B3GNT2: variants seen among roughly 807,000 people sequenced by gnomAD.
B3GNT2 encodes N-acetyllactosaminide beta-1,3-N-acetylglucosaminyltransferase 2.
B3GNT2 carries 12 observed loss-of-function variants against 27.6 expected under a neutral mutation model. The observed-to-expected ratio is 0.44, with a 90% CI of 0.28 to 0.71. The LOEUF (loss-of-function observed/expected upper bound fraction) is 0.71. Among genes scored for constraint, B3GNT2 ranks in the 30% least tolerant of loss-of-function variants. B3GNT2 has a pLI of 0.17. For synonymous variants in B3GNT2, 192 were observed against 189.7 expected (o/e 1.01, Z -0.10); for missense variants, 413 against 488.5 (o/e 0.85, Z 1.46).
intron 1 of B3GNT2, among the ~76,000 whole-genome samples, chr2:62,214,983 C>T (rs886430934): frequency 6.6e-6 from 1 of 152,008 alleles, no homozygotes. Flanking sequence ...ATTCCCTTCT[C>T]CTCTTTTCCT....
At chr2:62,207,484 G>A (rs1347752954) in intron 1 of B3GNT2, among the ~76,000 whole-genome samples, 1 of 152,192 alleles carries the variant, frequency 6.6e-6, no homozygotes, top group African/African-American at 2.4e-5. Context: ...TGTCTGTAGA[G>A]TACCTGATGG....
chr2:62,215,468 C>T (rs1268846482), intron 1 of B3GNT2: 1 of 152,328 alleles, frequency 6.6e-6, no homozygotes, highest in East Asian at 1.9e-4. Context: ...CCACTCACAC[C>T]CTTATCACTC....
At chr2:62,197,483 T>C (rs549056357) in intron 1 of B3GNT2, among the ~76,000 whole-genome samples, 2 of 152,232 alleles carry the variant, frequency 1.3e-5, no homozygotes, top group South Asian at 4.1e-4. Context: ...GTTTGTAGAG[T>C]GGGCTTAGCT....
intron 1 of B3GNT2, among the ~76,000 whole-genome samples, chr2:62,205,569 C>T (rs781724623): frequency 6.6e-6 from 1 of 152,182 alleles, no homozygotes; most frequent in Non-Finnish European, 1.5e-5. Context: ...GACAGGAATC[C>T]GAGATGGAGC....
At chr2:62,218,303 C>T (rs1034697017) in intron 1 of B3GNT2, among the ~76,000 whole-genome samples, 2 of 152,198 alleles carry the variant, frequency 1.3e-5, no homozygotes, top group Non-Finnish European at 2.9e-5. Context: ...CACAAGTGCA[C>T]GATGACATTT....
At chr2:62,209,571 G>T (rs140350325) in intron 1 of B3GNT2, among the ~76,000 whole-genome samples, 5 of 152,180 alleles carry the variant, frequency 3.3e-5, no homozygotes, top group Non-Finnish European at 7.4e-5. Flanking sequence ...TTGAGCCCAG[G>T]AATTCAAGAC....
chr2:62,212,003 A>G (rs1674489866), intron 1 of B3GNT2, among the ~76,000 whole-genome samples: 1 of 152,212 alleles, frequency 6.6e-6, no homozygotes, highest in African/African-American at 2.4e-5. Context: ...GTTGTTAGAA[A>G]TGACTCTGGG....
chr2:62,221,844 T>C (rs1349003422), intron 1 of B3GNT2: 1 of 526,274 alleles, frequency 1.9e-6, no homozygotes, highest in Non-Finnish European at 3.8e-6. Context: ...AGCAAGGAAG[T>C]TGAACTCTCC....
At chr2:62,208,504 A>C (rs1674420909) in intron 1 of B3GNT2, among the ~76,000 whole-genome samples, 1 of 152,040 alleles carries the variant, frequency 6.6e-6, no homozygotes, top group African/African-American at 2.4e-5. Flanking sequence ...CTGCCTTGAG[A>C]TGACACCACG....
chr2:62,217,704 C>T (rs928118834), intron 1 of B3GNT2, among the ~76,000 whole-genome samples: 14 of 152,226 alleles, frequency 9.2e-5, no homozygotes, highest in African/African-American at 2.7e-4. Flanking sequence ...AGGCTGCTTA[C>T]AGGGCAGACC....
Position 62,222,368 on chromosome 2 carries a change from A to G in B3GNT2, c.148A>G (p.Lys50Glu), listed in dbSNP as rs771144883. ...AATAATACCCAAAGAGAAGTTCTGG[A>G]AGATATCTACCCCTCCCGAGGCATA... ...EVIIPKEKFW[K>E]ISTPPEAYWN... is the part of the protein sequence containing the mutation. The change falls in exon 2 of 2, where the codon AAG becomes GAG. Residue 50 changes from lysine to glutamate, a missense_variant. By Grantham distance (56) the Lys-to-Glu change is moderately conservative. Transcript: ENST00000301998. The surrounding 1 kb of genome is among the most constrained non-coding windows in gnomAD (Gnocchi z 4.2). 1.9e-6 allele frequency: 3 copies of G among 1,614,046 alleles called. No individual in the cohort carries two copies. In the African/African-American group the frequency reaches 4.0e-5, roughly 22 times the overall value.
intron 1 of B3GNT2, among the ~76,000 whole-genome samples, chr2:62,197,386 G>A (rs1368221406): frequency 6.6e-6 from 1 of 152,232 alleles, no homozygotes; most frequent in African/African-American, 2.4e-5. Flanking sequence ...AAGTGTCACA[G>A]CGTCAAAGCT....
Position 62,224,402 on chromosome 2 carries a change from G to A in B3GNT2, c.*988G>A, listed in dbSNP as rs542561167. 6.0e-6 allele frequency: 1 copy of A among 166,926 alleles called. No homozygotes were observed. Among genetic ancestry groups the A allele is most frequent in the Non-Finnish European group, 1.5e-5 (1 of 68,074 alleles). The allele number at this position is 166,926 out of a possible 1,614,324, so 10.3% of individuals were successfully genotyped here. A position where few individuals can be genotyped will look rare whatever the true frequency, so the allele number is the denominator to read the frequency against. ...AGAAGTGCCTGTGTTTTTATTTATT[G>A]TTCAGATCAAAGACCAAAACATTTT... On this transcript the variant is annotated 3_prime_UTR_variant, in exon 2 of 2. Coordinates refer to ENST00000301998, the MANE Select transcript of B3GNT2 (RefSeq NM_006577.6).
Position 62,223,644 on chromosome 2 carries a change from C to T in B3GNT2, c.*230C>T, listed in dbSNP as rs1050549806. The T allele has an allele frequency of 5.3e-5, 22 of 414,654 alleles. No homozygotes were observed. The highest frequency in any genetic ancestry group is 2.3e-4 in the African/African-American group (11 of 48,524). 25.7% of individuals were successfully genotyped at this position (414,654 alleles called of 1,614,324 possible). A position where few individuals can be genotyped will look rare whatever the true frequency, so the allele number is the denominator to read the frequency against. On this transcript the variant is annotated 3_prime_UTR_variant, in exon 2 of 2. Coordinates refer to ENST00000301998, the MANE Select transcript of B3GNT2 (RefSeq NM_006577.6). Reference sequence around the variant, plus strand: ...GCAGGATGATTGGTTCTGATCTTACCGGCTAGTGGTCATTTTTAAAAAACT... The same window carrying T: ...GCAGGATGATTGGTTCTGATCTTACTGGCTAGTGGTCATTTTTAAAAAACT...
chr2:62,215,093 G>C (rs889597976), intron 1 of B3GNT2, among the ~76,000 whole-genome samples: 6 of 152,104 alleles, frequency 3.9e-5, no homozygotes, highest in Non-Finnish European at 8.8e-5. Context: ...CTGGGCTTTC[G>C]GGGGGTTGTA....
At chr2:62,216,992 A>G (rs909043701) in intron 1 of B3GNT2, among the ~76,000 whole-genome samples, 13 of 152,322 alleles carry the variant, frequency 8.5e-5, no homozygotes, top group African/African-American at 3.1e-4. Flanking sequence ...TGGGACTCTC[A>G]AAGCCTCATT....
At chr2:62,199,381 ACTGTATTTTT>A (rs1169078785) in intron 1 of B3GNT2, among the ~76,000 whole-genome samples, 1 of 152,188 alleles carries the variant, frequency 6.6e-6, no homozygotes, top group Non-Finnish European at 1.5e-5. Context: ...GTAGTATTTG[ACTGTATTTTT>A]CTGTATTTTT....
At chr2:62,198,809 AAAAAT>A (rs1416844739) in intron 1 of B3GNT2, among the ~76,000 whole-genome samples, 2 of 152,324 alleles carry the variant, frequency 1.3e-5, no homozygotes, top group East Asian at 3.9e-4. Context: ...TTTTTTTAAA[AAAAAT>A]AGTTGCATTA....
intron 1 of B3GNT2, among the ~76,000 whole-genome samples, chr2:62,218,109 T>C (rs1347975321): frequency 6.6e-6 from 1 of 152,222 alleles, no homozygotes; most frequent in Non-Finnish European, 1.5e-5. Context: ...AACTTCCTGC[T>C]GAAGAAAGGA....
Sources: gnomAD v4.1 joint callset for allele counts (sites outside exome capture counted in the v4.1 genomes callset) on GRCh38, gnomAD v4.1.1 for gene constraint, Gnocchi (gnomAD v3.1) non-coding constraint, MANE v1.5 for transcripts, NCBI Gene and HGNC (gene_info 2026-07-23, HGNC 2026-07-21) for gene names.